The following FIP1L1 variants were observed in gnomAD, a reference collection of about 807,000 sequenced individuals.
The protein encoded by FIP1L1 is factor interacting with PAPOLA and CPSF1.
In FIP1L1, 21 loss-of-function variants were observed where a neutral mutation model predicts 84.6. The observed-to-expected ratio is 0.25, with a 90% confidence interval of 0.18 to 0.36. FIP1L1 has a LOEUF of 0.36. Among genes scored for constraint, FIP1L1 ranks in the 10% least tolerant of loss-of-function variants. The pLI is 1.00. For synonymous variants in FIP1L1, 263 were observed against 242.3 expected, an observed-to-expected ratio of 1.09 and a Z score of -0.80; for missense variants, 526 against 751.1, an observed-to-expected ratio of 0.70 and a Z score of 3.50.
chr4:53,408,282 G>T (rs1160399910), intron 10 of FIP1L1, among the ~76,000 whole-genome samples: 1 of 152,106 alleles, frequency 6.6e-6, no homozygotes, highest in Non-Finnish European at 1.5e-5. Flanking sequence ...ATGAAATTCT[G>T]GGTTGAAAAT....
At chr4:53,457,014 G>A (rs1352850661) in intron 16 of FIP1L1, among the ~76,000 whole-genome samples, 1 of 152,092 alleles carries the variant, frequency 6.6e-6, no homozygotes, top group African/African-American at 2.4e-5. Context: ...TTCCTATGGT[G>A]CTAGTTTATT....
chr4:53,389,344 G>A (rs939318089), intron 5 of FIP1L1, among the ~76,000 whole-genome samples: 17 of 152,188 alleles, frequency 1.1e-4, no homozygotes, highest in Non-Finnish European at 1.5e-5. Context: ...AGGAAATGAA[G>A]ACAAGGGGTG....
intron 16 of FIP1L1, among the ~76,000 whole-genome samples, chr4:53,453,381 A>G (rs1258935234): frequency 6.6e-6 from 1 of 152,168 alleles, no homozygotes; most frequent in African/African-American, 2.4e-5. Flanking sequence ...CTTGCCATCT[A>G]AGTTTTTCAT....
chr4:53,389,662 T>G, intron 5 of FIP1L1, 147 bp from the exon 6 acceptor site: 1 of 640,786 alleles, frequency 1.6e-6, no homozygotes, highest in Non-Finnish European at 2.6e-6. Context: ...TATACAAAAT[T>G]TAAAAAATAA....
chr4:53,442,937 T>A (rs986332569), intron 14 of FIP1L1, among the ~76,000 whole-genome samples: 1 of 152,100 alleles, frequency 6.6e-6, no homozygotes, highest in Non-Finnish European at 1.5e-5. Context: ...ATATCTTGCT[T>A]TGATTTATGA....
chr4:53,442,103 A>C (rs751971944), intron 13 of FIP1L1: 9 of 152,790 alleles, frequency 5.9e-5, no homozygotes, highest in Non-Finnish European at 1.3e-4. Flanking sequence ...AAACTATATT[A>C]TGTGCTTTTC....
At chr4:53,381,213 G>C (rs1270639909) in intron 3 of FIP1L1, among the ~76,000 whole-genome samples, 1 of 152,130 alleles carries the variant, frequency 6.6e-6, no homozygotes, top group African/African-American at 2.4e-5. Context: ...CAAAAGAGTA[G>C]GCCTATTGAA....
chr4:53,435,859 T>G (rs1250060903), intron 13 of FIP1L1, among the ~76,000 whole-genome samples: 1 of 152,218 alleles, frequency 6.6e-6, no homozygotes, highest in East Asian at 1.9e-4. Flanking sequence ...TTGTGTTGAA[T>G]TTTTAAAATC....
At chr4:53,409,161 A>G (rs1005921357) in intron 10 of FIP1L1, among the ~76,000 whole-genome samples, 3 of 152,170 alleles carry the variant, frequency 2.0e-5, no homozygotes, top group Non-Finnish European at 4.4e-5. Flanking sequence ...GGTGATGTAC[A>G]GATGGGTTTT....
At chr4:53,430,341 CTTTTTTT>C (rs376793476) in intron 13 of FIP1L1, among the ~76,000 whole-genome samples, 158 of 75,820 alleles carry the variant, frequency 2.1e-3, no homozygotes, top group Middle Eastern at 0.016. Context: ...GATAAAATTA[CTTTTTTT>C]TTTTTTTTTT....
At chr4:53,438,695 A>T (rs1232419914) in intron 13 of FIP1L1, among the ~76,000 whole-genome samples, 1 of 152,170 alleles carries the variant, frequency 6.6e-6, no homozygotes, top group Non-Finnish European at 1.5e-5. Flanking sequence ...AGTAAGATTA[A>T]CATTAAAGGC....
intron 5 of FIP1L1, among the ~76,000 whole-genome samples, chr4:53,388,861 T>A (rs1018506313): frequency 6.6e-6 from 1 of 152,236 alleles, no homozygotes; most frequent in Non-Finnish European, 1.5e-5. Context: ...AATGAATTAT[T>A]CAAATAATTG....
intron 10 of FIP1L1, among the ~76,000 whole-genome samples, chr4:53,404,782 A>G (rs1255567721): frequency 6.6e-6 from 1 of 151,782 alleles, no homozygotes; most frequent in African/African-American, 2.4e-5. Flanking sequence ...GCATTTTTTC[A>G]TGTGTTTTTT....
chr4:53,381,750 A>ATTTTTTTTTTTTTTT (rs1233462083), intron 3 of FIP1L1, among the ~76,000 whole-genome samples: 77 of 62,990 alleles, frequency 1.2e-3, no homozygotes, highest in East Asian at 2.2e-3. Context: ...AGGCATTTGC[A>ATTTTTTTTTTTTTTT]TTCTTTTTTT....
At chr4:53,388,351 T>C (rs1742246813) in intron 5 of FIP1L1, among the ~76,000 whole-genome samples, 1 of 152,140 alleles carries the variant, frequency 6.6e-6, no homozygotes, top group Middle Eastern at 3.4e-3. Flanking sequence ...TATCTTTTTT[T>C]TTTTTTGAGA....
chr4:53,404,617 C>T (rs1296743824), intron 10 of FIP1L1, among the ~76,000 whole-genome samples: 1 of 150,976 alleles, frequency 6.6e-6, no homozygotes, highest in Non-Finnish European at 1.5e-5. Flanking sequence ...AACTACTTTA[C>T]AGTCCCACCA....
In FIP1L1 at chr4:53,459,961, T is replaced by G. The variant is rs1386278033; in HGVS notation, c.*512T>G. On this transcript the variant is annotated 3_prime_UTR_variant, in exon 18 of 18. Transcript: ENST00000337488. ...ACAACTTTTTGATGGCTTTTCAATA[T>G]TCTAAATTTGGGTTCCTGGTGAAAC... is the stretch of plus-strand genomic sequence containing the variant. 6.5e-5 allele frequency: 14 copies of G among 215,012 alleles called. No homozygotes were observed. The highest frequency in any genetic ancestry group is 1.0e-4 in the Non-Finnish European group (11 of 106,666). 13.3% of individuals were successfully genotyped at this position (215,012 alleles called of 1,614,324 possible).
chr4:53,395,963 T>G (rs1222430200), intron 9 of FIP1L1, among the ~76,000 whole-genome samples: 1 of 151,616 alleles, frequency 6.6e-6, no homozygotes, highest in Non-Finnish European at 1.5e-5. Flanking sequence ...TTGTTGCCCA[T>G]GCTGGAGTGC....
chr4:53,393,448 A>C (rs948883858), intron 9 of FIP1L1, among the ~76,000 whole-genome samples: 12 of 152,252 alleles, frequency 7.9e-5, no homozygotes, highest in Non-Finnish European at 1.6e-4. Context: ...AATAGTACAC[A>C]TGAACCCTTA....
Sources: allele counts gnomAD v4.1 joint callset (sites outside exome capture counted in the v4.1 genomes callset), GRCh38; gene constraint gnomAD v4.1.1; transcripts MANE v1.5; gene names NCBI Gene and HGNC (gene_info 2026-07-23, HGNC 2026-07-21).